The following MAGI2 variants were observed in gnomAD, a reference collection of about 807,000 sequenced individuals.
MAGI2 encodes the protein membrane associated guanylate kinase, WW and PDZ domain containing 2.
Under a neutral mutation model 133.3 loss-of-function variants are expected in MAGI2, and 35 were observed. That is an observed-to-expected ratio of 0.26 (90% CI 0.20 to 0.35). The LOEUF (loss-of-function observed/expected upper bound fraction) is 0.35, where lower values mean the gene tolerates loss of function less well. Ranked by LOEUF, MAGI2 falls within the 10% of genes least tolerant of loss-of-function variation. The pLI is 1.00. For synonymous variants in MAGI2, 729 were observed against 710.6 expected (o/e 1.03, Z -0.41); for missense variants, 1,636 against 1,863.4 (o/e 0.88, Z 2.25).
intron 1 of MAGI2, among the ~76,000 whole-genome samples, chr7:79,255,614 A>C (rs1833626198): frequency 6.6e-6 from 1 of 152,202 alleles, no homozygotes; most frequent in Admixed American, 6.5e-5. Context: ...AGATTAAATC[A>C]GGATATCAGG....
intron 1 of MAGI2, among the ~76,000 whole-genome samples, chr7:79,067,865 T>A (rs1814527880): frequency 6.6e-6 from 1 of 152,214 alleles, no homozygotes; most frequent in African/African-American, 2.4e-5. Flanking sequence ...GAGATAATCA[T>A]GTGGTTTTTG....
chr7:78,786,312 GC>G (rs372145207), intron 2 of MAGI2, among the ~76,000 whole-genome samples: 75 of 152,254 alleles, frequency 4.9e-4, no homozygotes, highest in African/African-American at 1.8e-3. Flanking sequence ...ATGGATTATA[GC>G]AGTACCCTAA....
At chr7:78,942,829 C>T (rs898323450) in intron 2 of MAGI2, among the ~76,000 whole-genome samples, 1 of 151,402 alleles carries the variant, frequency 6.6e-6, no homozygotes, top group Non-Finnish European at 1.5e-5. Flanking sequence ...AAAGAAGGGA[C>T]CATGTCTAAG....
chr7:78,308,357 G>A (rs1276600929), intron 9 of MAGI2, among the ~76,000 whole-genome samples: 1 of 152,120 alleles, frequency 6.6e-6, no homozygotes, highest in East Asian at 1.9e-4. Context: ...CAACAAGACT[G>A]TCAGCTTAGT....
intron 1 of MAGI2, chr7:79,173,104 C>A (rs1335979173): frequency 1.3e-5 from 2 of 151,884 alleles, no homozygotes; most frequent in Non-Finnish European, 2.9e-5. Context: ...AAGCTTCAGT[C>A]ATGAATTTTC....
chr7:78,753,905 A>G (rs1429849334), intron 2 of MAGI2, among the ~76,000 whole-genome samples: 1 of 152,176 alleles, frequency 6.6e-6, no homozygotes, highest in African/African-American at 2.4e-5. Flanking sequence ...CTCTATACTG[A>G]GAATTTTATA....
At chr7:78,391,466 A>T (rs1216613620) in intron 6 of MAGI2, among the ~76,000 whole-genome samples, 1 of 152,238 alleles carries the variant, frequency 6.6e-6, no homozygotes, top group Non-Finnish European at 1.5e-5. Context: ...GCCATCTGCC[A>T]AAATTCACTC....
intron 2 of MAGI2, among the ~76,000 whole-genome samples, chr7:78,661,959 C>T (rs1585006367): frequency 6.6e-6 from 1 of 152,144 alleles, no homozygotes; most frequent in Non-Finnish European, 1.5e-5. Context: ...CAAGAAACAA[C>T]AACACAAGGC....
intron 9 of MAGI2, among the ~76,000 whole-genome samples, chr7:78,261,058 T>C (rs553661783): frequency 6.6e-6 from 1 of 152,182 alleles, no homozygotes; most frequent in East Asian, 1.9e-4. Context: ...CATCTCTCAC[T>C]TACCACTCCC....
chr7:78,324,353 C>T (rs1010764251), intron 9 of MAGI2, among the ~76,000 whole-genome samples: 1 of 152,092 alleles, frequency 6.6e-6, no homozygotes, highest in Admixed American at 6.5e-5. Context: ...TACTGAGACT[C>T]GTATTAAACC....
At position 78,708,878 on chromosome 7, in the gene MAGI2, A is replaced by G. The variant is rs539646862; in HGVS notation, c.419-81639T>C. 2.0e-5 allele frequency among the ~76,000 whole-genome samples: 3 copies of G among 152,138 alleles called. No homozygotes were observed. In the South Asian group the frequency reaches 6.2e-4, roughly 32 times the overall value. On this transcript the variant is annotated intron_variant, in intron 2 of 21. Transcript: ENST00000354212. The stretch of plus-strand genomic sequence containing the variant: ...TAATACTCATTTTTTAAAGTACCTT[A>G]TAAGACATTTTTCTCTTCTTAGTTC...
At chr7:79,129,091 G>A (rs907774868) in intron 1 of MAGI2, among the ~76,000 whole-genome samples, 6 of 151,994 alleles carry the variant, frequency 3.9e-5, no homozygotes, top group African/African-American at 7.2e-5. Context: ...GGCTGGTCTC[G>A]AACTCCTGAC....
At chr7:78,936,671 C>T (rs977000105) in intron 2 of MAGI2, among the ~76,000 whole-genome samples, 12 of 151,910 alleles carry the variant, frequency 7.9e-5, no homozygotes, top group Admixed American at 1.3e-4. Context: ...ATAATGATAG[C>T]TTAGCAATTC....
At chr7:78,191,388 AAATATTGAT>A (rs1220876846) in intron 12 of MAGI2, among the ~76,000 whole-genome samples, 2 of 152,180 alleles carry the variant, frequency 1.3e-5, no homozygotes, top group Non-Finnish European at 2.9e-5. Flanking sequence ...TCACACATTA[AAATATTGAT>A]ATTATTTGCT....
chr7:78,214,104 C>T (rs561690036), intron 10 of MAGI2, among the ~76,000 whole-genome samples: 22 of 152,314 alleles, frequency 1.4e-4, no homozygotes, highest in Admixed American at 1.3e-4. Context: ...CTGGTTCTCA[C>T]TGATGTTAAT....
chr7:78,637,274 T>G (rs972385675), intron 2 of MAGI2, among the ~76,000 whole-genome samples: 2 of 152,214 alleles, frequency 1.3e-5, no homozygotes, highest in African/African-American at 4.8e-5. Context: ...ATTTGGGAAA[T>G]AATGCACCTA....
rs777893327 is a variant in MAGI2 at position 79,077,589 on chromosome 7, A to AT, written c.302-70384_302-70383insA. On this transcript the variant is annotated intron_variant, in intron 1 of 21. Coordinates refer to ENST00000354212, the MANE Select transcript of MAGI2 (RefSeq NM_012301.4). ...GACTGCCTCTCAAAAAAAAAAAAAA[A>AT]AAAAAATAAATAAATAAATAAATTC... Among the ~76,000 whole-genome samples, 28 of 135,696 alleles carry AT rather than the reference A, an allele frequency of 2.1e-4. 2 individuals are homozygous for AT. Among genetic ancestry groups the AT allele is most frequent in the East Asian group, 1.2e-3 (6 of 4,840 alleles). 89.0% of individuals were successfully genotyped at this position (135,696 alleles called of 152,430 possible).
intron 1 of MAGI2, among the ~76,000 whole-genome samples, chr7:79,126,778 A>C (rs1269269708): frequency 3.3e-5 from 5 of 151,658 alleles, no homozygotes; most frequent in Non-Finnish European, 7.4e-5. Context: ...TTTTTTAAAA[A>C]ATGTTTTGTA....
chr7:78,573,275 TATATATATTTATATAA>T (rs1280423160), intron 3 of MAGI2, among the ~76,000 whole-genome samples: 24 of 57,370 alleles, frequency 4.2e-4, no homozygotes, highest in South Asian at 1.1e-3. Context: ...TATATATAAA[TATATATATTTATATAA>T]ATATATATAT....
Sources: gnomAD v4.1 joint callset for allele counts (sites outside exome capture counted in the v4.1 genomes callset) on GRCh38, gnomAD v4.1.1 for gene constraint, MANE v1.5 for transcripts, NCBI Gene and HGNC (gene_info 2026-07-23, HGNC 2026-07-21) for gene names.